Variants in PHF24 observed in about 807,000 individuals in gnomAD.
The protein encoded by PHF24 is Galpha inhibitory interacting protein.
A neutral mutation model predicts 42.6 loss-of-function variants in PHF24; 25 were observed. The ratio of observed to expected loss-of-function variants is 0.59; its 90% confidence interval spans 0.43 to 0.82. The LOEUF (loss-of-function observed/expected upper bound fraction) is 0.82, where lower values mean the gene tolerates loss of function less well. PHF24 is among the 40% of genes least tolerant of loss of function. The pLI, the probability that PHF24 is intolerant of heterozygous loss-of-function variation, is 0.00. For missense variants in PHF24, 470 were observed against 538.1 expected, an observed-to-expected ratio of 0.87 and a Z score of 1.25; for synonymous variants, 185 against 204.8, an observed-to-expected ratio of 0.90 and a Z score of 0.83.
the PHF24 span, chr9:34,834,785 C>T: frequency 3.8e-4 from 582 of 1,542,076 alleles, 2 homozygotes; most frequent in Middle Eastern, 3.2e-3. Flanking sequence ...GATCTGAGCT[C>T]GTTGATGGTC....
At chr9:34,693,467 T>G in the PHF24 span, among the ~76,000 whole-genome samples, 4 of 152,334 alleles carry the variant, frequency 2.6e-5, no homozygotes, top group South Asian at 2.1e-4. Context: ...AGCAGCAGCA[T>G]CACTTGGGAG....
the PHF24 span, among the ~76,000 whole-genome samples, chr9:34,777,315 C>T: frequency 1.3e-5 from 2 of 152,058 alleles, no homozygotes; most frequent in Non-Finnish European, 2.9e-5. Flanking sequence ...ACTCTCTGGG[C>T]CCTGGTTGGT....
At chr9:34,923,020 C>G in the PHF24 span, 2 of 531,572 alleles carry the variant, frequency 3.8e-6, no homozygotes, top group Non-Finnish European at 6.1e-6. Flanking sequence ...TCCGGCCCGC[C>G]TAGACCCAGT....
the PHF24 span, among the ~76,000 whole-genome samples, chr9:34,696,094 A>G: frequency 6.6e-6 from 1 of 152,186 alleles, no homozygotes; most frequent in Non-Finnish European, 1.5e-5. Flanking sequence ...GTCACAAATG[A>G]TGATTGCAAA....
At chr9:34,681,835 A>T in the PHF24 span, among the ~76,000 whole-genome samples, 154 of 152,340 alleles carry the variant, frequency 1.0e-3, no homozygotes, top group African/African-American at 3.6e-3. Flanking sequence ...AGAAAAAAAA[A>T]GGTTAAATGA....
chr9:34,783,020 T>C, the PHF24 span, among the ~76,000 whole-genome samples: 2 of 152,222 alleles, frequency 1.3e-5, no homozygotes, highest in South Asian at 4.1e-4. Context: ...GACCTATCTC[T>C]TTTCTTATTT....
At chr9:34,697,125 G>C in the PHF24 span, among the ~76,000 whole-genome samples, 1 of 152,188 alleles carries the variant, frequency 6.6e-6, no homozygotes, top group African/African-American at 2.4e-5. Flanking sequence ...TTAATATTCT[G>C]TTGGGTTGAT....
At chr9:34,821,492 A>G in the PHF24 span, among the ~76,000 whole-genome samples, 5 of 152,196 alleles carry the variant, frequency 3.3e-5, no homozygotes, top group African/African-American at 1.2e-4. Flanking sequence ...CTTGGAAAGC[A>G]GAAGTGAGGT....
the PHF24 span, among the ~76,000 whole-genome samples, chr9:34,894,744 C>T: frequency 3.3e-5 from 5 of 152,196 alleles, no homozygotes; most frequent in Non-Finnish European, 7.3e-5. Flanking sequence ...GAGAACAAGA[C>T]TGAGAGTTGA....
At chr9:34,761,197 C>G in the PHF24 span, among the ~76,000 whole-genome samples, 3 of 152,094 alleles carry the variant, frequency 2.0e-5, no homozygotes, top group Non-Finnish European at 4.4e-5. Context: ...TTTGGTCTCT[C>G]TCCTCTCTCA....
At chr9:34,875,940 A>ACTCTCTCTCTCTCTCT in the PHF24 span, among the ~76,000 whole-genome samples, 4 of 89,220 alleles carry the variant, frequency 4.5e-5, no homozygotes, top group African/African-American at 1.8e-4. Context: ...ACACACACAC[A>ACTCTCTCTCTCTCTCT]CACACACACA....
the PHF24 span, among the ~76,000 whole-genome samples, chr9:34,809,613 C>G: frequency 6.6e-6 from 1 of 152,156 alleles, no homozygotes; most frequent in African/African-American, 2.4e-5. The surrounding 1 kb of genome is among the most constrained non-coding windows in gnomAD (Gnocchi z 4.1). Context: ...GCGTCGTGAG[C>G]CTGGAGGCCT....
At chr9:34,911,553 A>G in the PHF24 span, among the ~76,000 whole-genome samples, 4 of 152,224 alleles carry the variant, frequency 2.6e-5, no homozygotes, top group East Asian at 5.8e-4. Flanking sequence ...CGCCCGGCCT[A>G]TGGGGTTTTC....
At chr9:34,726,784 A>G in the PHF24 span, 1 of 1,551,456 alleles carries the variant, frequency 6.4e-7, no homozygotes, top group Non-Finnish European at 8.7e-7. Flanking sequence ...GAAACTCCAG[A>G]CTCTGATCTA....
chr9:34,709,509 C>A, the PHF24 span: 6 of 1,614,068 alleles, frequency 3.7e-6, no homozygotes, highest in Admixed American at 1.0e-4. Flanking sequence ...CCTCTTGCAG[C>A]CTTTGGAGCC....
chr9:34,701,644 G>T, the PHF24 span, among the ~76,000 whole-genome samples: 1 of 152,122 alleles, frequency 6.6e-6, no homozygotes, highest in African/African-American at 2.4e-5. This position sits in a 1 kb window ranked among gnomAD's most constrained non-coding sequence, Gnocchi z 5.8. Context: ...GTCCCCGCGC[G>T]CGGGCCGGGC....
the PHF24 span, among the ~76,000 whole-genome samples, chr9:34,772,180 T>G: frequency 6.6e-6 from 1 of 152,324 alleles, no homozygotes; most frequent in East Asian, 1.9e-4. Context: ...AGAGACTGAT[T>G]CCTAGGATCA....
At chr9:34,726,857 G>A in the PHF24 span, 1 of 1,551,808 alleles carries the variant, frequency 6.4e-7, no homozygotes, top group Non-Finnish European at 8.7e-7. Flanking sequence ...CCCCGATAAA[G>A]TCAGGGAGAT....
At chr9:34,936,907 G>T in the PHF24 span, among the ~76,000 whole-genome samples, 1 of 150,282 alleles carries the variant, frequency 6.7e-6, no homozygotes, top group Non-Finnish European at 1.5e-5. Flanking sequence ...GAGCCCCTCT[G>T]CCCGGCAGCC....
Sources: allele counts gnomAD v4.1 joint callset (sites outside exome capture counted in the v4.1 genomes callset), GRCh38; gene constraint gnomAD v4.1.1; non-coding constraint Gnocchi (gnomAD v3.1); transcripts MANE v1.5; gene names NCBI Gene and HGNC (gene_info 2026-07-23, HGNC 2026-07-21).